Variants in SLC5A10 observed in about 807,000 individuals in gnomAD.
SLC5A10 encodes the protein solute carrier family 5 member 10.
Under a neutral mutation model 68.9 loss-of-function variants are expected in SLC5A10, and 55 were observed. The ratio of observed to expected loss-of-function variants is 0.80; its 90% CI spans 0.64 to 1.00. SLC5A10 has a LOEUF of 1.00. Ranked by LOEUF, SLC5A10 falls within the 50% of genes least tolerant of loss-of-function variation. The pLI, the probability that SLC5A10 is intolerant of heterozygous loss-of-function variation, is 0.00. For missense variants in SLC5A10, 732 were observed against 819.3 expected (o/e 0.89, Z 1.30); for synonymous variants, 344 against 344.8 (o/e 1.00, Z 0.02).
chr17:18,951,089 G>C (rs890618647), upstream of SLC5A10, among the ~76,000 whole-genome samples: 27 of 152,364 alleles, frequency 1.8e-4, no homozygotes, highest in Non-Finnish European at 3.4e-4. Context: ...AGGCCAGCGT[G>C]TTCCTGGTGG....
intron 10 of SLC5A10, among the ~76,000 whole-genome samples, chr17:19,014,164 G>A (rs1053553885): frequency 6.6e-6 from 1 of 152,170 alleles, no homozygotes; most frequent in Non-Finnish European, 1.5e-5. Context: ...TAGGACAGAC[G>A]GGCAAGAGTT....
chr17:18,962,017 TG>T (rs1262628117), intron 5 of SLC5A10, among the ~76,000 whole-genome samples: 1 of 152,188 alleles, frequency 6.6e-6, no homozygotes, highest in Non-Finnish European at 1.5e-5. Flanking sequence ...GACTTGGCCT[TG>T]GCCTGCCCTT....
At chr17:18,965,324 C>CA (rs1330031628) in intron 5 of SLC5A10, among the ~76,000 whole-genome samples, 1 of 152,096 alleles carries the variant, frequency 6.6e-6, no homozygotes, top group Non-Finnish European at 1.5e-5. Context: ...TGGAAATGGG[C>CA]AAGGCTCAGG....
At chr17:18,954,592 A>G (rs2042450311) in intron 1 of SLC5A10, among the ~76,000 whole-genome samples, 1 of 152,224 alleles carries the variant, frequency 6.6e-6, no homozygotes, top group African/African-American at 2.4e-5. Flanking sequence ...CAGACAGAGC[A>G]AGCCAGGCAG....
At chr17:19,008,748 C>T (rs1230557518) in intron 9 of SLC5A10, among the ~76,000 whole-genome samples, 1 of 152,018 alleles carries the variant, frequency 6.6e-6, no homozygotes, top group Non-Finnish European at 1.5e-5. Flanking sequence ...ATCTGCCCGC[C>T]TCAGCCTCCC....
chr17:18,994,073 T>C (rs1472401582), intron 9 of SLC5A10, among the ~76,000 whole-genome samples: 1 of 152,190 alleles, frequency 6.6e-6, no homozygotes, highest in Non-Finnish European at 1.5e-5. Context: ...AAGTGACGCA[T>C]CAGGGCTGCT....
Position 19,003,474 on chromosome 17 carries a change from G to A in SLC5A10, c.983-9936G>A. 1.3e-6 allele frequency: 2 copies of A among 1,498,670 alleles called. No individual in the cohort carries two copies. The highest frequency in any genetic ancestry group is 1.4e-5 in the South Asian group (1 of 72,976). 92.8% of individuals were successfully genotyped at this position (1,498,670 alleles called of 1,614,324 possible). A position where few individuals can be genotyped will look rare whatever the true frequency, so the allele number is the denominator to read the frequency against. ...AGTGAGCCTGTATTGAGAGGGGTCC[G>A]GTGGCTGGTTGGGCCATGGCTCCAG... On this transcript the variant is annotated intron_variant, in intron 9 of 14. Transcript: ENST00000395645. This position sits in a 1 kb window ranked among gnomAD's most constrained non-coding sequence, Gnocchi z 4.5.
intron 9 of SLC5A10, chr17:18,978,661 C>T: frequency 6.2e-7 from 1 of 1,613,032 alleles, no homozygotes; most frequent in Non-Finnish European, 8.5e-7. Flanking sequence ...TGCCCGCGGG[C>T]ACCAGGGGGA....
At position 19,003,965 on chromosome 17, in the gene SLC5A10, A is replaced by C. The variant is rs1321625299; in HGVS notation, c.983-9445A>C. 1.2e-6 allele frequency: 2 copies of C among 1,612,838 alleles called. No individual in the cohort carries two copies. The highest frequency in any genetic ancestry group is 8.5e-7 in the Non-Finnish European group (1 of 1,179,908). On this transcript the variant is annotated intron_variant, in intron 9 of 14. Transcript: ENST00000395645. The surrounding 1 kb of genome is among the most constrained non-coding windows in gnomAD (Gnocchi z 4.5). ...CGCCAGCCGCTGCTCCTCGCTGTAG[A>C]AGAACTCAGGCTTGGACTCGCTGGA...
chr17:18,952,043 T>C, upstream of SLC5A10: 2 of 1,206,764 alleles, frequency 1.7e-6, no homozygotes, highest in Non-Finnish European at 2.2e-6. Flanking sequence ...GAAGCTGAAC[T>C]GCATGGTGAG....
At chr17:19,001,702 G>A (rs941779613) in intron 9 of SLC5A10, among the ~76,000 whole-genome samples, 1 of 152,236 alleles carries the variant, frequency 6.6e-6, no homozygotes, top group Non-Finnish European at 1.5e-5. Flanking sequence ...ACTGTACGGA[G>A]TGGCTGGGTC....
rs377420812 is a variant in SLC5A10 at position 19,019,430 on chromosome 17, A to T, written c.1249A>T (p.Ile417Leu). 1.2e-6 allele frequency: 2 copies of T among 1,610,244 alleles called. No individual in the cohort carries two copies. Among genetic ancestry groups the T allele is most frequent in the South Asian group, 2.2e-5 (2 of 91,022 alleles). ...RELLLVGRLV[I>L]VALIGVSVAW... is the part of the protein sequence containing the mutation. ...CCTTCCACTCGCCTGCAGGCTGGTC[A>T]TAGTGGCACTCATCGGCGTGAGTGT... is the stretch of plus-strand genomic sequence containing the variant. Residue 417 changes from isoleucine to leucine, a missense_variant, in exon 12 of 15, where the codon ATA (isoleucine) becomes TTA (leucine). By Grantham distance (5) the Ile-to-Leu change is conservative. Transcript: ENST00000395645.
intron 9 of SLC5A10, among the ~76,000 whole-genome samples, chr17:18,979,977 T>C (rs2043087847): frequency 1.3e-5 from 2 of 152,134 alleles, no homozygotes; most frequent in Admixed American, 1.3e-4. Flanking sequence ...GGAAAAGGCT[T>C]ACACAGCCAG....
chr17:19,015,199 G>GGTACGGGGGTGGGGGCCT lies in SLC5A10; in HGVS notation c.1241+17_1241+18insTGTACGGGGGTGGGGGCC. ...GAGCGGGAGCTCCTGCTGGTGGGAC[G>GGTACGGGGGTGGGGGCCT]GTACGGGGGTGGGGGCCAGTACGGG... is the stretch of plus-strand genomic sequence containing the variant. On this transcript the variant is annotated inframe_insertion and splice_region_variant. Transcript: ENST00000395645. 1 of 1,553,890 alleles carries GGTACGGGGGTGGGGGCCT rather than the reference G, an allele frequency of 6.4e-7. No individual in the cohort carries two copies. Among genetic ancestry groups the GGTACGGGGGTGGGGGCCT allele is most frequent in the Non-Finnish European group, 8.8e-7 (1 of 1,134,972 alleles).
At chr17:18,957,152 A>T (rs753402692) in intron 1 of SLC5A10, among the ~76,000 whole-genome samples, 5 of 152,154 alleles carry the variant, frequency 3.3e-5, no homozygotes, top group Non-Finnish European at 7.3e-5. Flanking sequence ...TGTCTCAAAA[A>T]ACAAAACAAA....
chr17:18,952,196 C>T lies in SLC5A10; in HGVS notation c.-10C>T. On this transcript the variant is annotated 5_prime_UTR_variant, in exon 1 of 15. Coordinates refer to ENST00000395645, the MANE Select transcript of SLC5A10 (RefSeq NM_001042450.4). ...TCGGGCTCATACCTAGTGCCTGCGG[C>T]AGGACAGCCATGGCCGCCAACTCCA... 1 of 1,610,750 alleles carries T rather than the reference C, an allele frequency of 6.2e-7. No homozygotes were observed. The highest frequency in any genetic ancestry group is 8.5e-7 in the Non-Finnish European group (1 of 1,178,588).
chr17:18,974,075 T>C (rs1041547246), intron 8 of SLC5A10, among the ~76,000 whole-genome samples: 2 of 152,132 alleles, frequency 1.3e-5, no homozygotes, highest in African/African-American at 4.8e-5. Context: ...GTATTTTTAA[T>C]AGAGACGGGG....
chr17:18,959,335 C>T, intron 3 of SLC5A10, 96 bp downstream of exon 3: 6 of 1,324,360 alleles, frequency 4.5e-6, no homozygotes, highest in East Asian at 2.3e-5. Flanking sequence ...TGGTGTCAGC[C>T]GATGTCCAGG....
chr17:18,968,570 G>T lies in SLC5A10; in HGVS notation c.454-482G>T, dbSNP rs984880598. On this transcript the variant is annotated intron_variant, in intron 5 of 14. Transcript: ENST00000395645. This position sits in a 1 kb window ranked among gnomAD's most constrained non-coding sequence, Gnocchi z 4.1. ...ATTGGCTTCAGTTCCAAACCCACTG[G>T]GGGGTGGGGGCAGGAAGCAAGGCTG... is the stretch of plus-strand genomic sequence containing the variant. Among the ~76,000 whole-genome samples, 9 of 152,166 alleles carry T rather than the reference G, an allele frequency of 5.9e-5. No individual in the cohort carries two copies. The highest frequency in any genetic ancestry group is 5.2e-4 in the Admixed American group (8 of 15,282).
Sources: allele counts gnomAD v4.1 joint callset (sites outside exome capture counted in the v4.1 genomes callset), GRCh38; gene constraint gnomAD v4.1.1; non-coding constraint Gnocchi (gnomAD v3.1); transcripts MANE v1.5; gene names NCBI Gene and HGNC (gene_info 2026-07-23, HGNC 2026-07-21).